Variants in RFC1 observed in about 807,000 individuals in gnomAD.
RFC1 encodes the protein A1 140 kDa subunit.
RFC1 carries 37 observed loss-of-function variants against 137.4 expected under a neutral mutation model. The observed-to-expected ratio is 0.27, with a 90% CI of 0.21 to 0.35. The LOEUF is 0.35. Ranked by LOEUF, RFC1 falls within the 10% of genes least tolerant of loss-of-function variation. The pLI, the probability that RFC1 is intolerant of heterozygous loss-of-function variation, is 1.00. For missense variants in RFC1, 1,205 were observed against 1,358.5 expected, an observed-to-expected ratio of 0.89 and a Z score of 1.78; for synonymous variants, 429 against 455.7, an observed-to-expected ratio of 0.94 and a Z score of 0.75.
chr4:39,303,602 C>T (rs534142984), intron 15 of RFC1, among the ~76,000 whole-genome samples: 2 of 152,250 alleles, frequency 1.3e-5, no homozygotes, highest in Admixed American at 6.5e-5. Flanking sequence ...TACAGGCGCA[C>T]GCCACCACAC....
chr4:39,355,661 T>C (rs1741436060), intron 1 of RFC1, among the ~76,000 whole-genome samples: 1 of 152,178 alleles, frequency 6.6e-6, no homozygotes. Flanking sequence ...CTGTCAAGGA[T>C]GTGGGGAAAC....
At position 39,362,026 on chromosome 4, in the gene RFC1, G is replaced by A. The variant is rs139486902; in HGVS notation, c.3+4213C>T. Among the ~76,000 whole-genome samples, 1,261 of 152,032 alleles carry A rather than the reference G, an allele frequency of 8.3e-3. 18 individuals are homozygous for A. Among genetic ancestry groups the A allele is most frequent in the African/African-American group, 0.027 (1,133 of 41,494 alleles). ...TGCACCCCAGCATGGGCAACAGAGCGAGACTGTCTCAAAAAAAAAGAAATC... is the reference window on the plus strand; with the variant it reads ...TGCACCCCAGCATGGGCAACAGAGCAAGACTGTCTCAAAAAAAAAGAAATC... On this transcript the variant is annotated intron_variant, in intron 1 of 24. Coordinates refer to ENST00000349703, the MANE Select transcript of RFC1 (RefSeq NM_002913.5).
At chr4:39,297,732 A>C (rs1419695053) in intron 21 of RFC1, 1 of 152,334 alleles carries the variant, frequency 6.6e-6, no homozygotes, top group Non-Finnish European at 1.5e-5. Context: ...TAAAGGCTGG[A>C]ATTATAGTTT....
intron 13 of RFC1, 27 bp downstream of exon 13, chr4:39,308,609 C>A (rs1483265029): frequency 5.0e-6 from 8 of 1,592,590 alleles, no homozygotes; most frequent in Non-Finnish European, 6.0e-6. Flanking sequence ...TACACACACA[C>A]AAAAATGAGT....
intron 1 of RFC1, among the ~76,000 whole-genome samples, chr4:39,360,181 C>T (rs1031565209): frequency 6.6e-6 from 1 of 151,562 alleles, no homozygotes; most frequent in Non-Finnish European, 1.5e-5. Context: ...GCCTGGCCAA[C>T]GTGGTGAAAC....
At chr4:39,352,367 C>T (rs912104757) in intron 1 of RFC1, among the ~76,000 whole-genome samples, 3 of 152,198 alleles carry the variant, frequency 2.0e-5, no homozygotes, top group Non-Finnish European at 4.4e-5. Flanking sequence ...TGTTAAACCA[C>T]AGAATTCAAA....
intron 3 of RFC1, among the ~76,000 whole-genome samples, chr4:39,345,091 T>C (rs1740782626): frequency 6.6e-6 from 1 of 152,110 alleles, no homozygotes; most frequent in South Asian, 2.1e-4. Context: ...CTTGGCTCAC[T>C]GCAACCTCTG....
chr4:39,322,726 C>A (rs1739579960), intron 7 of RFC1, among the ~76,000 whole-genome samples: 1 of 151,470 alleles, frequency 6.6e-6, no homozygotes, highest in Non-Finnish European at 1.5e-5. Flanking sequence ...CTTCAGTGTG[C>A]TATGAACGTG....
chr4:39,298,750 T>C (rs1738169628), intron 21 of RFC1, among the ~76,000 whole-genome samples: 1 of 152,194 alleles, frequency 6.6e-6, no homozygotes, highest in Non-Finnish European at 1.5e-5. Context: ...TTGATTCACA[T>C]CTTACAACCA....
intron 19 of RFC1, among the ~76,000 whole-genome samples, chr4:39,301,538 G>C (rs1452847749): frequency 1.3e-5 from 2 of 152,222 alleles, no homozygotes; most frequent in African/African-American, 4.8e-5. Context: ...AGGGGGACAT[G>C]AAGTATGTGA....
rs1742028942 is a variant in RFC1 at position 39,366,311 on chromosome 4, A to C, written c.-70T>G. The C allele has an allele frequency of 1.4e-6, 2 of 1,449,760 alleles. No individual in the cohort carries two copies. Among genetic ancestry groups the C allele is most frequent in the Non-Finnish European group, 1.8e-6 (2 of 1,094,366 alleles). The allele number at this position is 1,449,760 out of a possible 1,614,324, so 89.8% of individuals were successfully genotyped here. A position where few individuals can be genotyped will look rare whatever the true frequency, so the allele number is the denominator to read the frequency against. On this transcript the variant is annotated 5_prime_UTR_variant, in exon 1 of 25. Transcript: ENST00000349703. ...GTTGAGGAATCTGTTATCGAGGCTC[A>C]GGATCCATTCGCGCCAACAACTTCT...
In RFC1 at chr4:39,326,589, G is replaced by C; in HGVS notation, c.616C>G (p.Gln206Glu). 6.2e-7 allele frequency: 1 copy of C among 1,613,098 alleles called. No homozygotes were observed. Among genetic ancestry groups the C allele is most frequent in the Non-Finnish European group, 8.5e-7 (1 of 1,179,328 alleles). ...SGLNDEAIAK[Q>E]LQLDEDAELE... is the part of the protein sequence containing the mutation. ...TCCGCATCTTCATCAAGCTGTAATT[G>C]CTTGGCGATGGCTTCATCATTTAAT... Residue 206 changes from glutamine to glutamate, a missense_variant, in exon 6 of 25, where the codon CAA becomes GAA. This residue lies in a region of RFC1 where 962 missense variants were observed against 1,035.3 expected (regional missense o/e 0.93). Transcript: ENST00000349703.
intron 1 of RFC1, among the ~76,000 whole-genome samples, chr4:39,357,149 A>G (rs1741517025): frequency 6.6e-6 from 1 of 152,234 alleles, no homozygotes; most frequent in African/African-American, 2.4e-5. Context: ...CAGAGCACAG[A>G]AAAGAAAGAA....
chr4:39,348,084 A>G (rs1184344852), intron 2 of RFC1, among the ~76,000 whole-genome samples: 1 of 152,144 alleles, frequency 6.6e-6, no homozygotes, highest in East Asian at 1.9e-4. Flanking sequence ...AGGGACCAGA[A>G]CTTGAAGATT....
In RFC1 at chr4:39,327,561, C is replaced by G; in HGVS notation, c.527G>C (p.Arg176Thr). ...GCTTGCCACCATCTTCTTATTAGATCTTTGGACACTTCCAGTTCCAAAATA... is the reference window on the plus strand; with the variant it reads ...GCTTGCCACCATCTTCTTATTAGATGTTTGGACACTTCCAGTTCCAAAATA... The part of the protein sequence containing the change: ...LDYFGTGSVQ[R>T]SNKKMVASKR... The change falls in exon 5 of 25, where the codon AGA becomes ACA. Residue 176 changes from arginine to threonine, a missense_variant. Around this residue, in one of 3 missense-constraint regions of RFC1, gnomAD observed 962 missense variants for 1,035.3 expected, o/e 0.93. Coordinates refer to ENST00000349703, the MANE Select transcript of RFC1 (RefSeq NM_002913.5). 1 of 1,613,152 alleles carries G rather than the reference C, an allele frequency of 6.2e-7. No homozygotes were observed. The highest frequency in any genetic ancestry group is 8.5e-7 in the Non-Finnish European group (1 of 1,179,686).
At chr4:39,319,126 T>C (rs559176945) in intron 9 of RFC1, among the ~76,000 whole-genome samples, 57 of 152,344 alleles carry the variant, frequency 3.7e-4, no homozygotes, top group African/African-American at 4.8e-4. Context: ...ATTTTAATAA[T>C]AATAGTTAAG....
intron 1 of RFC1, among the ~76,000 whole-genome samples, chr4:39,356,373 T>C (rs903521853): frequency 6.6e-6 from 1 of 152,176 alleles, no homozygotes; most frequent in African/African-American, 2.4e-5. Flanking sequence ...CACTCCAGCC[T>C]GGGGAAAAAG....
At chr4:39,302,455 G>A in intron 18 of RFC1, 45 bp downstream of exon 18, 1 of 1,515,654 alleles carries the variant, frequency 6.6e-7, no homozygotes, top group Non-Finnish European at 9.2e-7. Context: ...GAAAGCATTA[G>A]TTAAAAATAA....
At chr4:39,300,527 A>C in intron 19 of RFC1, 113 bp from the exon 20 acceptor site, 1 of 774,308 alleles carries the variant, frequency 1.3e-6, no homozygotes, top group South Asian at 1.8e-5. Context: ...GCTGGTGGGA[A>C]TGCAAAACTG....
Sources: allele counts gnomAD v4.1 joint callset (sites outside exome capture counted in the v4.1 genomes callset), GRCh38; gene constraint gnomAD v4.1.1; regional missense constraint gnomAD v4.1.1; transcripts MANE v1.5; gene names NCBI Gene and HGNC (gene_info 2026-07-23, HGNC 2026-07-21).